Variants in STK33 observed in about 807,000 individuals in gnomAD.
STK33 encodes serine/threonine-protein kinase 33.
A neutral mutation model predicts 58.0 loss-of-function variants in STK33; 52 were observed. The observed-to-expected ratio is 0.90, with a 90% confidence interval of 0.72 to 1.13. The LOEUF is 1.13. STK33 is among the 50% of genes most tolerant of loss of function. The probability of loss-of-function intolerance (pLI) is 0.00; values close to 1 mark genes in which losing one functional copy is unlikely to be tolerated. For synonymous variants in STK33, 215 were observed against 200.1 expected (o/e 1.07, Z -0.63); for missense variants, 630 against 604.2 (o/e 1.04, Z -0.45).
chr11:8,381,439 G>T, the STK33 span, among the ~76,000 whole-genome samples: 2 of 152,138 alleles, frequency 1.3e-5, no homozygotes, highest in East Asian at 3.9e-4. Context: ...GACCCACGGA[G>T]AATGAAAGCA....
intron 1 of STK33, among the ~76,000 whole-genome samples, chr11:8,556,999 C>T (rs1381135675): frequency 6.6e-6 from 1 of 151,696 alleles, no homozygotes; most frequent in Non-Finnish European, 1.5e-5. Flanking sequence ...GCCTGTAATC[C>T]CAACACTTTG....
At chr11:8,532,272 T>C (rs1286828582) in intron 1 of STK33, among the ~76,000 whole-genome samples, 4 of 152,284 alleles carry the variant, frequency 2.6e-5, no homozygotes, top group Non-Finnish European at 4.4e-5. Flanking sequence ...TAGCAAACTA[T>C]GGCCCAGTGG....
chr11:8,392,446 C>T lies in STK33; in HGVS notation c.*64G>A, dbSNP rs1848694723. ...ATAGGGCTGTCTTCTTCCCCTCCTA[C>T]CCCCTCATCAAAGTGCTAACAAGAG... On this transcript the variant is annotated 3_prime_UTR_variant, in exon 16 of 16. Coordinates refer to ENST00000687296, the MANE Select transcript of STK33 (RefSeq NM_001352389.2). The T allele has an allele frequency of 1.2e-5, 19 of 1,584,480 alleles. No individual in the cohort carries two copies. Among genetic ancestry groups the T allele is most frequent in the Admixed American group, 1.7e-5 (1 of 59,196 alleles).
the STK33 span, among the ~76,000 whole-genome samples, chr11:8,335,031 C>T: frequency 1.3e-5 from 2 of 152,368 alleles, no homozygotes; most frequent in Admixed American, 1.3e-4. Context: ...GAAATCCATG[C>T]TGTGGCAGAT....
intron 1 of STK33, among the ~76,000 whole-genome samples, chr11:8,528,879 CAT>C (rs1179598932): frequency 3.9e-5 from 6 of 152,204 alleles, no homozygotes; most frequent in African/African-American, 1.2e-4. Context: ...AAGGAAATAA[CAT>C]GTGCCAGGTA....
intron 14 of STK33, among the ~76,000 whole-genome samples, chr11:8,420,217 A>G (rs186700654): frequency 1.2e-3 from 186 of 152,304 alleles, no homozygotes; most frequent in African/African-American, 4.3e-3. Context: ...CACCCAAAAA[A>G]TCACCAAACA....
intron 6 of STK33, among the ~76,000 whole-genome samples, chr11:8,470,833 C>G (rs370051888): frequency 6.6e-6 from 1 of 152,038 alleles, no homozygotes; most frequent in East Asian, 1.9e-4. Context: ...TTTGTGACAC[C>G]CCCAAACAAG....
intron 14 of STK33, among the ~76,000 whole-genome samples, chr11:8,420,413 T>C (rs1468177264): frequency 6.6e-6 from 1 of 152,190 alleles, no homozygotes; most frequent in Non-Finnish European, 1.5e-5. Context: ...GAGAAAACGG[T>C]TTGAGAAATT....
rs921479696 is a variant in STK33 at position 8,594,074 on chromosome 11, A to T, written c.-466+9T>A. ...CCGCCCTGAGCCAGTGACTCCAGGG[A>T]CCACTCACCGCGGCCGGCGGACTGG... On this transcript the variant is annotated intron_variant, in intron 1 of 15. Transcript: ENST00000687296. 4 of 152,316 alleles carry T rather than the reference A, an allele frequency of 2.6e-5. No individual in the cohort carries two copies. Among genetic ancestry groups the T allele is most frequent in the African/African-American group, 9.6e-5 (4 of 41,464 alleles). 9.4% of individuals were successfully genotyped at this position (152,316 alleles called of 1,614,324 possible).
At chr11:8,335,455 C>A in the STK33 span, among the ~76,000 whole-genome samples, 1 of 152,348 alleles carries the variant, frequency 6.6e-6, no homozygotes, top group African/African-American at 2.4e-5. Flanking sequence ...CTGACGACCT[C>A]CAAAAGGTCC....
At chr11:8,477,851 A>G (rs373087347) in intron 2 of STK33, among the ~76,000 whole-genome samples, 14 of 152,150 alleles carry the variant, frequency 9.2e-5, no homozygotes, top group African/African-American at 3.4e-4. Flanking sequence ...AGCTATATGC[A>G]TAAAGCATAG....
the STK33 span, among the ~76,000 whole-genome samples, chr11:8,335,860 C>A: frequency 7.2e-5 from 11 of 152,210 alleles, no homozygotes; most frequent in African/African-American, 2.2e-4. Flanking sequence ...ACACTCACAG[C>A]ACAGCTCAAT....
At chr11:8,551,998 T>A (rs1262848209) in intron 1 of STK33, among the ~76,000 whole-genome samples, 1 of 152,196 alleles carries the variant, frequency 6.6e-6, no homozygotes, top group African/African-American at 2.4e-5. Flanking sequence ...CTGTGCTCAG[T>A]GCCCCTGTGT....
chr11:8,473,751 A>G (rs565981828), intron 5 of STK33, among the ~76,000 whole-genome samples: 3 of 152,328 alleles, frequency 2.0e-5, no homozygotes, highest in East Asian at 3.9e-4. Flanking sequence ...CAGAAATAAC[A>G]GTCAAGGGAG....
chr11:8,592,648 C>A (rs2032804357), intron 1 of STK33, among the ~76,000 whole-genome samples: 1 of 152,058 alleles, frequency 6.6e-6, no homozygotes, highest in Non-Finnish European at 1.5e-5. Flanking sequence ...GGTCTCACTC[C>A]ATTGCCCAGG....
chr11:8,425,565 T>C (rs1942614272), intron 14 of STK33, among the ~76,000 whole-genome samples: 1 of 152,196 alleles, frequency 6.6e-6, no homozygotes, highest in Non-Finnish European at 1.5e-5. Flanking sequence ...TTGGTATTAA[T>C]TCCATTATAC....
intron 15 of STK33, among the ~76,000 whole-genome samples, chr11:8,405,246 T>C (rs968119344): frequency 1.3e-5 from 2 of 152,224 alleles, no homozygotes; most frequent in Non-Finnish European, 2.9e-5. Flanking sequence ...TGCCAATATC[T>C]GGACTTGTTA....
the STK33 span, among the ~76,000 whole-genome samples, chr11:8,369,044 G>A: frequency 2.6e-5 from 4 of 152,094 alleles, no homozygotes; most frequent in South Asian, 2.1e-4. Context: ...TGGAAGGGTC[G>A]CGATACACAT....
chr11:8,350,562 T>A, the STK33 span, among the ~76,000 whole-genome samples: 1 of 152,104 alleles, frequency 6.6e-6, no homozygotes, highest in Admixed American at 6.5e-5. Context: ...CCCATGCCAC[T>A]CTTCTGGTGC....
Sources: allele counts gnomAD v4.1 joint callset (sites outside exome capture counted in the v4.1 genomes callset), GRCh38; gene constraint gnomAD v4.1.1; transcripts MANE v1.5; gene names NCBI Gene and HGNC (gene_info 2026-07-23, HGNC 2026-07-21).